Variants in C13orf42 observed in about 807,000 individuals in gnomAD.
The protein encoded by C13orf42 is chromosome 13 open reading frame 42.
intron 1 of C13orf42, among the ~76,000 whole-genome samples, chr13:51,089,582 C>T (rs1167464225): frequency 1.3e-5 from 2 of 152,030 alleles, no homozygotes; most frequent in African/African-American, 2.4e-5. Context: ...CTTCACCTTC[C>T]ACCATGATTG....
At chr13:51,167,543 T>C (rs1464611584) in intron 1 of C13orf42, among the ~76,000 whole-genome samples, 1 of 152,192 alleles carries the variant, frequency 6.6e-6, no homozygotes, top group Non-Finnish European at 1.5e-5. Flanking sequence ...CTTCCAGCAA[T>C]GGCACAGGGT....
intron 1 of C13orf42, among the ~76,000 whole-genome samples, chr13:51,135,977 T>C (rs1953654693): frequency 6.6e-6 from 1 of 152,230 alleles, no homozygotes; most frequent in Non-Finnish European, 1.5e-5. Flanking sequence ...CGGCAGCTGA[T>C]GAGGGTAAAC....
At chr13:51,129,912 T>TG (rs1953603595) in intron 1 of C13orf42, among the ~76,000 whole-genome samples, 1 of 152,214 alleles carries the variant, frequency 6.6e-6, no homozygotes, top group Non-Finnish European at 1.5e-5. Flanking sequence ...GTTTCCCTCC[T>TG]GTCTTCTATG....
chr13:51,105,900 A>C (rs545393814), intron 1 of C13orf42, among the ~76,000 whole-genome samples: 19 of 152,234 alleles, frequency 1.2e-4, no homozygotes, highest in South Asian at 8.3e-4. Context: ...ACAGAAGCTA[A>C]TTCAGCTGCC....
At chr13:51,090,438 C>A (rs879434935) in intron 1 of C13orf42, among the ~76,000 whole-genome samples, 2 of 152,104 alleles carry the variant, frequency 1.3e-5, no homozygotes, top group African/African-American at 2.4e-5. Context: ...GCTGACCCAG[C>A]CTGACCCCTG....
At chr13:51,146,366 G>C (rs867356259) in intron 1 of C13orf42, among the ~76,000 whole-genome samples, 3 of 152,202 alleles carry the variant, frequency 2.0e-5, no homozygotes, top group African/African-American at 7.2e-5. Flanking sequence ...AAACAAGCCT[G>C]TTGTGTCCCC....
chr13:51,101,370 T>G (rs1953288540), intron 1 of C13orf42, among the ~76,000 whole-genome samples: 1 of 152,250 alleles, frequency 6.6e-6, no homozygotes, highest in Non-Finnish European at 1.5e-5. Context: ...GAATTTCATC[T>G]TATAAGCAAA....
At chr13:51,092,438 G>T (rs1246557945) in intron 1 of C13orf42, among the ~76,000 whole-genome samples, 1 of 151,928 alleles carries the variant, frequency 6.6e-6, no homozygotes, top group African/African-American at 2.4e-5. Context: ...TTCCGGATTT[G>T]GTTTATTTAA....
At position 51,143,343 on chromosome 13, in the gene C13orf42, C is replaced by G. The variant is rs74085967; in HGVS notation, n.136+28910G>C. 2.9e-3 allele frequency among the ~76,000 whole-genome samples: 434 copies of G among 152,248 alleles called. 1 individual carries two copies. The highest frequency in any genetic ancestry group is 9.9e-3 in the African/African-American group (411 of 41,546). On this transcript the variant is annotated intron_variant and non_coding_transcript_variant, in intron 1 of 4. Coordinates refer to the C13orf42 transcript ENST00000433280. Reference sequence around the variant, plus strand: ...CCCATTTTGAAAGATAAAATAAGTTCAGTTTCTCTACAAATTAATTATTAA... The same window carrying G: ...CCCATTTTGAAAGATAAAATAAGTTGAGTTTCTCTACAAATTAATTATTAA...
chr13:51,134,441 C>T (rs1288416182), intron 1 of C13orf42, among the ~76,000 whole-genome samples: 7 of 152,200 alleles, frequency 4.6e-5, no homozygotes, highest in Non-Finnish European at 8.8e-5. Context: ...AGATACCTCT[C>T]GGCAAAGGGG....
At chr13:51,109,914 T>C (rs1349401033) in intron 1 of C13orf42, among the ~76,000 whole-genome samples, 1 of 152,202 alleles carries the variant, frequency 6.6e-6, no homozygotes, top group Non-Finnish European at 1.5e-5. Flanking sequence ...GTACTGGCTT[T>C]ATTGTGACGC....
chr13:51,136,468 A>AGAGAAGGATTTGGACAGCTCC (rs2138026222), intron 1 of C13orf42, among the ~76,000 whole-genome samples: 2 of 152,308 alleles, frequency 1.3e-5, no homozygotes, highest in East Asian at 3.9e-4. Context: ...TAGTCGTGGC[A>AGAGAAGGATTTGGACAGCTCC]GAGAAGGATT....
chr13:51,146,318 C>T (rs1414894503), intron 1 of C13orf42, among the ~76,000 whole-genome samples: 1 of 152,156 alleles, frequency 6.6e-6, no homozygotes, highest in Non-Finnish European at 1.5e-5. Context: ...GATTCCTTAC[C>T]CCTTTCTTCA....
At chr13:51,099,596 T>C (rs1953266064) in intron 1 of C13orf42, among the ~76,000 whole-genome samples, 1 of 152,226 alleles carries the variant, frequency 6.6e-6, no homozygotes. Context: ...TGGATCCAAC[T>C]AACAGTTTTA....
chr13:51,146,285 G>T (rs187336852), intron 1 of C13orf42, among the ~76,000 whole-genome samples: 54 of 152,212 alleles, frequency 3.5e-4, no homozygotes, highest in Middle Eastern at 6.8e-3. Flanking sequence ...AGATAACACA[G>T]GAAACTCACT....
At chr13:51,122,221 C>G (rs558204949) in intron 1 of C13orf42, among the ~76,000 whole-genome samples, 51 of 151,400 alleles carry the variant, frequency 3.4e-4, no homozygotes, top group African/African-American at 1.2e-3. Flanking sequence ...ATATATATGA[C>G]CAGAATATAT....
intron 1 of C13orf42, among the ~76,000 whole-genome samples, chr13:51,120,142 G>A (rs1385027919): frequency 6.6e-6 from 1 of 152,168 alleles, no homozygotes; most frequent in Non-Finnish European, 1.5e-5. Flanking sequence ...GGTTCCACTT[G>A]AGAATTACAG....
intron 1 of C13orf42, among the ~76,000 whole-genome samples, chr13:51,149,465 A>G (rs1340546): frequency 0.34 from 51,291 of 152,062 alleles, 9,313 homozygotes; most frequent in Middle Eastern, 0.46. Flanking sequence ...TGATTTCTCT[A>G]AAGAGCCATT....
At chr13:51,155,614 T>C (rs551327230) in intron 1 of C13orf42, among the ~76,000 whole-genome samples, 1 of 152,316 alleles carries the variant, frequency 6.6e-6, no homozygotes, top group South Asian at 2.1e-4. Flanking sequence ...TGGTCCCCAC[T>C]CTTATCTGAG....
Sources: gnomAD v4.1 joint callset for allele counts (sites outside exome capture counted in the v4.1 genomes callset) on GRCh38, gnomAD v4.1.1 for gene constraint, MANE v1.5 for transcripts, NCBI Gene and HGNC (gene_info 2026-07-23, HGNC 2026-07-21) for gene names.